Variants in UVRAG observed in about 807,000 individuals in gnomAD.
UVRAG encodes the protein UV radiation resistance associated, also known as UV radiation resistance-associated gene protein.
Under a neutral mutation model 78.0 loss-of-function variants are expected in UVRAG, and 19 were observed. The ratio of observed to expected loss-of-function variants is 0.24; its 90% confidence interval spans 0.17 to 0.36. UVRAG has a LOEUF of 0.36. Among genes scored for constraint, UVRAG ranks in the 10% least tolerant of loss-of-function variants. The pLI is 1.00. For missense variants in UVRAG, 740 were observed against 853.8 expected, an observed-to-expected ratio of 0.87 and a Z score of 1.66; for synonymous variants, 323 against 324.6, an observed-to-expected ratio of 1.00 and a Z score of 0.05.
intron 5 of UVRAG, among the ~76,000 whole-genome samples, chr11:75,899,154 C>T (rs1270137217): frequency 1.3e-5 from 2 of 152,122 alleles, no homozygotes; most frequent in African/African-American, 4.8e-5. Flanking sequence ...GGAAAATCCT[C>T]AGGGACTGTT....
At chr11:75,981,651 G>T (rs1949396980) in intron 7 of UVRAG, among the ~76,000 whole-genome samples, 1 of 151,764 alleles carries the variant, frequency 6.6e-6, no homozygotes, top group Non-Finnish European at 1.5e-5. Context: ...GTCCTTCTCT[G>T]TTTCTCTTTT....
chr11:76,043,222 T>C (rs1385588143), intron 12 of UVRAG, among the ~76,000 whole-genome samples: 1 of 152,358 alleles, frequency 6.6e-6, no homozygotes, highest in South Asian at 2.1e-4. Flanking sequence ...TTATTTAAAC[T>C]GTTCTTTAAT....
Position 76,053,901 on chromosome 11 carries a change from C to T in UVRAG, c.1227-11809C>T, listed in dbSNP as rs545532328. Reference sequence around the variant, plus strand: ...AGGGGAATCATTTGAACCTGGGAAGCGGAGGTTGCAGTGAGCCGAGATTGC... The same window carrying T: ...AGGGGAATCATTTGAACCTGGGAAGTGGAGGTTGCAGTGAGCCGAGATTGC... On this transcript the variant is annotated intron_variant, in intron 12 of 14. Coordinates refer to ENST00000356136, the MANE Select transcript of UVRAG (RefSeq NM_003369.4). Among the ~76,000 whole-genome samples the T allele has an allele frequency of 7.0e-5, 10 of 143,102 alleles. No homozygotes were observed. In the South Asian group the frequency reaches 8.9e-4, roughly 13 times the overall value. 93.9% of individuals were successfully genotyped at this position (143,102 alleles called of 152,430 possible).
intron 6 of UVRAG, among the ~76,000 whole-genome samples, chr11:75,960,465 G>A (rs1948888856): frequency 6.6e-6 from 1 of 152,122 alleles, no homozygotes; most frequent in Non-Finnish European, 1.5e-5. Flanking sequence ...AAATACATGA[G>A]CTATATTTAA....
At chr11:76,129,183 A>G (rs1249863249) in intron 14 of UVRAG, among the ~76,000 whole-genome samples, 1 of 152,232 alleles carries the variant, frequency 6.6e-6, no homozygotes, top group African/African-American at 2.4e-5. Context: ...AAGAGCTAAG[A>G]TTTGAGCCCA....
chr11:76,037,198 A>T (rs1950549774), intron 12 of UVRAG, among the ~76,000 whole-genome samples: 1 of 152,180 alleles, frequency 6.6e-6, no homozygotes. Context: ...CTAAGTTGCC[A>T]CTTTTGTATG....
At chr11:75,899,300 C>G (rs1205613067) in intron 5 of UVRAG, among the ~76,000 whole-genome samples, 1 of 151,934 alleles carries the variant, frequency 6.6e-6, no homozygotes, top group Non-Finnish European at 1.5e-5. Context: ...AAGTATAGAG[C>G]TTTTATTTAT....
chr11:75,962,739 G>A (rs1413081855), intron 7 of UVRAG, among the ~76,000 whole-genome samples: 1 of 152,086 alleles, frequency 6.6e-6, no homozygotes, highest in Non-Finnish European at 1.5e-5. Context: ...TTTCTGTAGT[G>A]TATAAAAATG....
chr11:76,012,783 TA>T (rs549553826), intron 11 of UVRAG: 35 of 144,104 alleles, frequency 2.4e-4, no homozygotes, highest in African/African-American at 5.7e-4. Context: ...ACATTTAGCT[TA>T]AAAAAAAAAT....
chr11:75,946,357 A>G (rs991198084), intron 6 of UVRAG, among the ~76,000 whole-genome samples: 11 of 152,232 alleles, frequency 7.2e-5, no homozygotes, highest in Admixed American at 5.9e-4. Flanking sequence ...TGCTCAGTAA[A>G]TGGAATCATG....
chr11:75,896,251 G>T (rs978681134), intron 5 of UVRAG, among the ~76,000 whole-genome samples: 2 of 152,136 alleles, frequency 1.3e-5, no homozygotes, highest in African/African-American at 4.8e-5. Flanking sequence ...TTTCTACAGG[G>T]GTTTTCTAGG....
At chr11:75,869,052 G>C (rs2134816373) in intron 3 of UVRAG, among the ~76,000 whole-genome samples, 1 of 152,280 alleles carries the variant, frequency 6.6e-6, no homozygotes, top group Middle Eastern at 3.4e-3. Context: ...CAAGCTAAGA[G>C]ATATGCTTGT....
chr11:76,015,660 G>A (rs1158228004), intron 11 of UVRAG, among the ~76,000 whole-genome samples: 1 of 152,086 alleles, frequency 6.6e-6, no homozygotes, highest in Non-Finnish European at 1.5e-5. Flanking sequence ...AAAACAAATA[G>A]TCTGCTATGG....
chr11:76,110,843 A>G (rs1169054156), intron 13 of UVRAG, among the ~76,000 whole-genome samples: 1 of 151,682 alleles, frequency 6.6e-6, no homozygotes, highest in Non-Finnish European at 1.5e-5. Flanking sequence ...ATAAAATCCC[A>G]TATATATATA....
At chr11:75,963,952 T>C (rs1262712501) in intron 7 of UVRAG, among the ~76,000 whole-genome samples, 1 of 152,178 alleles carries the variant, frequency 6.6e-6, no homozygotes, top group Non-Finnish European at 1.5e-5. Context: ...TGTACCAGCA[T>C]GCACAGTTTG....
In UVRAG at chr11:75,933,160, A is replaced by G. The variant is rs948669200; in HGVS notation, c.593+21121A>G. Among the ~76,000 whole-genome samples the G allele has an allele frequency of 3.9e-5, 6 of 152,238 alleles. No individual in the cohort carries two copies. The South Asian group carries it at 1.0e-3, about 26-fold the overall frequency. On this transcript the variant is annotated intron_variant, in intron 6 of 14. Coordinates refer to ENST00000356136, the MANE Select transcript of UVRAG (RefSeq NM_003369.4). ...GTATGGTACTGGCCTAAAAGCAGACACATAGACCAGTGGAACAGAATAAAG... is the reference window on the plus strand; with the variant it reads ...GTATGGTACTGGCCTAAAAGCAGACGCATAGACCAGTGGAACAGAATAAAG...
At chr11:76,117,276 A>G (rs749903823) in intron 14 of UVRAG, among the ~76,000 whole-genome samples, 1 of 152,218 alleles carries the variant, frequency 6.6e-6, no homozygotes, top group Non-Finnish European at 1.5e-5. Flanking sequence ...TTGGCAACCT[A>G]CAACACTAAT....
At chr11:75,956,786 T>G (rs1029631198) in intron 6 of UVRAG, among the ~76,000 whole-genome samples, 5 of 152,198 alleles carry the variant, frequency 3.3e-5, no homozygotes, top group Non-Finnish European at 1.5e-5. Context: ...CTAACAGGTG[T>G]GAAATGGCAC....
chr11:75,940,263 G>A (rs892013217), intron 6 of UVRAG, among the ~76,000 whole-genome samples: 13 of 152,188 alleles, frequency 8.5e-5, no homozygotes, highest in African/African-American at 1.2e-4. Context: ...TATTTAAAAC[G>A]AGAGCATTGA....
Sources: gnomAD v4.1 joint callset for allele counts (sites outside exome capture counted in the v4.1 genomes callset) on GRCh38, gnomAD v4.1.1 for gene constraint, MANE v1.5 for transcripts, NCBI Gene and HGNC (gene_info 2026-07-23, HGNC 2026-07-21) for gene names.